THNSL1: variants seen among roughly 807,000 people sequenced by gnomAD.
THNSL1 encodes threonine synthase-like 1.
A neutral mutation model predicts 50.4 loss-of-function variants in THNSL1; 48 were observed. The ratio of observed to expected loss-of-function variants is 0.95; its 90% CI spans 0.76 to 1.21. The LOEUF (loss-of-function observed/expected upper bound fraction) is 1.21. Among genes scored for constraint, THNSL1 ranks in the 50% most tolerant of loss-of-function variants. The probability of loss-of-function intolerance (pLI) is 0.00; values close to 1 mark genes in which losing one functional copy is unlikely to be tolerated. For synonymous variants in THNSL1, 309 were observed against 306.1 expected, an observed-to-expected ratio of 1.01 and a Z score of -0.10; for missense variants, 896 against 871.7, an observed-to-expected ratio of 1.03 and a Z score of -0.35.
chr10:24,962,842 T>C, the THNSL1 span, among the ~76,000 whole-genome samples: 1 of 152,222 alleles, frequency 6.6e-6, no homozygotes, highest in Admixed American at 6.5e-5. Flanking sequence ...ATTTGTCTCT[T>C]GGCTTGAGAA....
At chr10:24,999,508 AT>A in the THNSL1 span, 1 of 1,612,848 alleles carries the variant, frequency 6.2e-7, no homozygotes, top group Admixed American at 1.7e-5. Context: ...AGCTTTTTGC[AT>A]GTCATCTTTT....
chr10:25,025,777 G>A lies in THNSL1; in HGVS notation c.*322G>A, dbSNP rs182984732. 1.3e-5 allele frequency: 3 copies of A among 229,180 alleles called. No homozygotes were observed. The highest frequency in any genetic ancestry group is 1.9e-4 in the East Asian group (2 of 10,276). 14.2% of individuals were successfully genotyped at this position (229,180 alleles called of 1,614,324 possible). A position where few individuals can be genotyped will look rare whatever the true frequency, so the allele number is the denominator to read the frequency against. On this transcript the variant is annotated 3_prime_UTR_variant, in exon 3 of 3. Coordinates refer to ENST00000376356, the MANE Select transcript of THNSL1 (RefSeq NM_024838.5). ...CAAAATGTCTGGTATACTATTTGGCGATTAAAATATTTAAGCCCAGTTTTC... is the reference window on the plus strand; with the variant it reads ...CAAAATGTCTGGTATACTATTTGGCAATTAAAATATTTAAGCCCAGTTTTC...
the THNSL1 span, among the ~76,000 whole-genome samples, chr10:24,957,141 C>T: frequency 3.3e-5 from 5 of 152,188 alleles, no homozygotes; most frequent in African/African-American, 1.2e-4. Flanking sequence ...ACCAACTTCT[C>T]CTACTCCTGC....
the THNSL1 span, among the ~76,000 whole-genome samples, chr10:25,009,257 A>C: frequency 5.6e-5 from 8 of 143,692 alleles, no homozygotes; most frequent in Non-Finnish European, 8.9e-5. Context: ...GAGTATAATA[A>C]AAAAAAAAGT....
chr10:24,964,402 T>C, the THNSL1 span, among the ~76,000 whole-genome samples: 41 of 152,346 alleles, frequency 2.7e-4, no homozygotes, highest in African/African-American at 9.4e-4. Context: ...GGGTTCTTTC[T>C]TTCATGCTTC....
the THNSL1 span, among the ~76,000 whole-genome samples, chr10:25,007,412 T>A: frequency 6.6e-6 from 1 of 151,870 alleles, no homozygotes; most frequent in Non-Finnish European, 1.5e-5. Flanking sequence ...TATGTATAGG[T>A]TTCTTATTTA....
the THNSL1 span, among the ~76,000 whole-genome samples, chr10:24,964,380 G>C: frequency 6.6e-6 from 1 of 152,304 alleles, no homozygotes; most frequent in African/African-American, 2.4e-5. Flanking sequence ...CGAGAGAAAA[G>C]TTTGTGTGTG....
At chr10:24,984,836 G>A in the THNSL1 span, 12 of 1,613,372 alleles carry the variant, frequency 7.4e-6, 1 homozygote, top group South Asian at 1.2e-4. Flanking sequence ...ATCTTCTTTG[G>A]TATAGAATCT....
At chr10:24,990,477 C>G in the THNSL1 span, 1 of 1,612,422 alleles carries the variant, frequency 6.2e-7, no homozygotes, top group Non-Finnish European at 8.5e-7. Flanking sequence ...AAAACTGCCT[C>G]CCTTTCTTCA....
chr10:25,018,042 A>G (rs571367502), intron 1 of THNSL1, among the ~76,000 whole-genome samples: 3 of 152,276 alleles, frequency 2.0e-5, no homozygotes, highest in African/African-American at 7.2e-5. Flanking sequence ...GTTAGCACCA[A>G]CTGGCCTTTG....
Position 25,024,548 on chromosome 10 carries a change from C to T in THNSL1, c.1325C>T (p.Thr442Ile), listed in dbSNP as rs753255424. ...GVESDFDFCQ[T>I]AIKRIFNDSD... is the part of the protein sequence containing the mutation. ...GAGTCAGATTTTGATTTTTGCCAGA[C>T]AGCTATAAAAAGAATTTTTAATGAT... is the stretch of plus-strand genomic sequence containing the variant. The change falls in exon 3 of 3, where the codon ACA becomes ATA. Residue 442 changes from threonine (T) to isoleucine (I), a missense_variant. Physicochemically the swap from Thr to Ile is moderately conservative, Grantham distance 89. Transcript: ENST00000376356. 12 of 1,614,026 alleles carry T rather than the reference C, an allele frequency of 7.4e-6. No homozygotes were observed. The highest frequency in any genetic ancestry group is 6.7e-5 in the Admixed American group (4 of 60,008).
Position 25,025,113 on chromosome 10 carries a change from C to T in THNSL1, c.1890C>T (p.Ser630=). ...SEGECLAAIN[S]TYNTSGYILD... ...GAGAGTGCCTAGCAGCTATTAACTC[C>T]ACCTATAATACTTCAGGGTATATTT... The change falls in exon 3 of 3, where the codon TCC becomes TCT. Residue 630 remains serine (S), a synonymous_variant. Coordinates refer to ENST00000376356, the MANE Select transcript of THNSL1 (RefSeq NM_024838.5). 1.9e-6 allele frequency: 3 copies of T among 1,614,144 alleles called. No homozygotes were observed. Among genetic ancestry groups the T allele is most frequent in the Non-Finnish European group, 2.5e-6 (3 of 1,180,028 alleles).
chr10:25,001,597 ACT>A, the THNSL1 span, among the ~76,000 whole-genome samples: 1 of 151,770 alleles, frequency 6.6e-6, no homozygotes, highest in Non-Finnish European at 1.5e-5. Context: ...TTGTTCTATT[ACT>A]GTGTCTTCAA....
chr10:24,954,649 CA>C, the THNSL1 span, among the ~76,000 whole-genome samples: 1 of 152,102 alleles, frequency 6.6e-6, no homozygotes, highest in Non-Finnish European at 1.5e-5. Context: ...AATGTGTGCT[CA>C]AGAACATCCT....
chr10:24,972,376 C>A, the THNSL1 span, among the ~76,000 whole-genome samples: 1 of 151,228 alleles, frequency 6.6e-6, no homozygotes, highest in Non-Finnish European at 1.5e-5. Context: ...GGTGTGGTGG[C>A]GGGTGCCTGT....
chr10:24,984,788 C>T, the THNSL1 span: 1 of 1,613,576 alleles, frequency 6.2e-7, no homozygotes, highest in Non-Finnish European at 8.5e-7. Context: ...ATGTCGTGTT[C>T]TAGTTGTTTC....
the THNSL1 span, among the ~76,000 whole-genome samples, chr10:25,004,718 T>A: frequency 1.4e-4 from 22 of 152,154 alleles, no homozygotes; most frequent in Non-Finnish European, 2.6e-4. Flanking sequence ...GTAGGTTGTT[T>A]ACTCTGTTGA....
At chr10:24,952,433 TC>T in the THNSL1 span, 6 of 1,407,354 alleles carry the variant, frequency 4.3e-6, no homozygotes, top group Admixed American at 1.0e-4. The surrounding 1 kb of genome is among the most constrained non-coding windows in gnomAD (Gnocchi z 5.1). Flanking sequence ...TGGCCCTCTC[TC>T]TCCCCCGACG....
At chr10:24,991,864 C>A in the THNSL1 span, among the ~76,000 whole-genome samples, 1 of 152,192 alleles carries the variant, frequency 6.6e-6, no homozygotes, top group Admixed American at 6.5e-5. Context: ...GTAACACACG[C>A]CCACTGCGGC....
Sources: gnomAD v4.1 joint callset for allele counts (sites outside exome capture counted in the v4.1 genomes callset) on GRCh38, gnomAD v4.1.1 for gene constraint, Gnocchi (gnomAD v3.1) non-coding constraint, MANE v1.5 for transcripts, NCBI Gene and HGNC (gene_info 2026-07-23, HGNC 2026-07-21) for gene names.